The following KCNK13 variants were observed in gnomAD, a reference collection of about 807,000 sequenced individuals.
KCNK13 encodes the protein potassium channel subfamily K member 13.
In KCNK13, 12 loss-of-function variants were observed where a neutral mutation model predicts 23.4. That is an observed-to-expected ratio of 0.51 (90% CI 0.33 to 0.83). The LOEUF is 0.83. Ranked by LOEUF, KCNK13 falls within the 40% of genes least tolerant of loss-of-function variation. KCNK13 has a pLI of 0.02. For missense variants in KCNK13, 463 were observed against 556.3 expected, an observed-to-expected ratio of 0.83 and a Z score of 1.69; for synonymous variants, 231 against 229.5, an observed-to-expected ratio of 1.01 and a Z score of -0.06.
chr14:90,172,793 G>A (rs926763540), intron 1 of KCNK13, among the ~76,000 whole-genome samples: 3 of 152,168 alleles, frequency 2.0e-5, no homozygotes, highest in Admixed American at 6.5e-5. Context: ...TATTAAGCAC[G>A]ATCAACATTG....
At position 90,108,013 on chromosome 14, in the gene KCNK13, C is replaced by T. The variant is rs1317572614; in HGVS notation, c.334+45474C>T. 93 of 678,556 alleles carry T rather than the reference C, an allele frequency of 1.4e-4. 1 individual carries two copies. In the Admixed American group the frequency reaches 1.5e-3, roughly 11 times the overall value. The allele number at this position is 678,556 out of a possible 1,614,324, so 42.0% of individuals were successfully genotyped here. A position where few individuals can be genotyped will look rare whatever the true frequency, so the allele number is the denominator to read the frequency against. On this transcript the variant is annotated intron_variant, in intron 1 of 1. Coordinates refer to ENST00000282146, the MANE Select transcript of KCNK13 (RefSeq NM_022054.4). Reference sequence around the variant, plus strand: ...TGCAGTAACCACAGAGCAGGCCACACGCTGACTTTCCTCCTCAAGAGCTGG... The same window carrying T: ...TGCAGTAACCACAGAGCAGGCCACATGCTGACTTTCCTCCTCAAGAGCTGG...
intron 1 of KCNK13, among the ~76,000 whole-genome samples, chr14:90,099,599 TA>T (rs756726731): frequency 2.0e-5 from 3 of 152,164 alleles, no homozygotes; most frequent in Non-Finnish European, 4.4e-5. Flanking sequence ...TTTGGACAAC[TA>T]GGGAGAAAAG....
At chr14:90,173,334 G>A (rs28538288) in intron 1 of KCNK13, among the ~76,000 whole-genome samples, 1,721 of 152,248 alleles carry the variant, frequency 0.011, 35 homozygotes, top group African/African-American at 0.039. Flanking sequence ...TCCAGCCTGC[G>A]TGACGGAGTG....
chr14:90,117,550 A>G (rs1416112880), intron 1 of KCNK13, among the ~76,000 whole-genome samples: 2 of 152,096 alleles, frequency 1.3e-5, no homozygotes, highest in Non-Finnish European at 2.9e-5. Context: ...AGATTGCACC[A>G]TTGCACTCCA....
chr14:90,089,559 C>T lies in KCNK13; in HGVS notation c.334+27020C>T, dbSNP rs147923471. On this transcript the variant is annotated intron_variant, in intron 1 of 1. Transcript: ENST00000282146. Reference sequence around the variant, plus strand: ...TGATAGAAAAGAAAATCCCATCTTCCGAGGAGAAATTCAAGCTGGCTGCAG... The same window carrying T: ...TGATAGAAAAGAAAATCCCATCTTCTGAGGAGAAATTCAAGCTGGCTGCAG... Among the ~76,000 whole-genome samples the T allele has an allele frequency of 3.1e-3, 472 of 152,290 alleles. 5 individuals carry two copies. Among genetic ancestry groups the T allele is most frequent in the African/African-American group, 0.011 (458 of 41,564 alleles).
At chr14:90,080,303 AAAAT>A (rs1889191745) in intron 1 of KCNK13, among the ~76,000 whole-genome samples, 1 of 151,992 alleles carries the variant, frequency 6.6e-6, no homozygotes, top group Non-Finnish European at 1.5e-5. Context: ...AAAATACAAA[AAAAT>A]TAGCCGGGCC....
At chr14:90,122,672 C>G (rs1380358072) in intron 1 of KCNK13, among the ~76,000 whole-genome samples, 2 of 151,532 alleles carry the variant, frequency 1.3e-5, no homozygotes, top group East Asian at 1.9e-4. Context: ...GTTTGCGACA[C>G]GATATTCACA....
At chr14:90,112,788 G>A (rs1889631050) in intron 1 of KCNK13, among the ~76,000 whole-genome samples, 1 of 151,894 alleles carries the variant, frequency 6.6e-6, no homozygotes, top group African/African-American at 2.4e-5. Flanking sequence ...TGGTGGAAAT[G>A]TGATCATCCA....
intron 1 of KCNK13, among the ~76,000 whole-genome samples, chr14:90,144,425 C>G (rs1890049851): frequency 6.6e-6 from 1 of 151,452 alleles, no homozygotes; most frequent in South Asian, 2.1e-4. Flanking sequence ...TCTTGCTTCT[C>G]TGCTAGATTC....
At chr14:90,151,785 T>C (rs1013415780) in intron 1 of KCNK13, among the ~76,000 whole-genome samples, 5 of 152,206 alleles carry the variant, frequency 3.3e-5, no homozygotes, top group African/African-American at 1.2e-4. Flanking sequence ...CTTCAACCCA[T>C]TTTGAGTTGA....
intron 1 of KCNK13, among the ~76,000 whole-genome samples, chr14:90,165,094 C>T (rs1890288807): frequency 6.6e-6 from 1 of 152,150 alleles, no homozygotes; most frequent in African/African-American, 2.4e-5. Flanking sequence ...TGCAGGGAAA[C>T]TCCCGTTTTT....
chr14:90,111,072 C>T (rs1431554067), intron 1 of KCNK13, among the ~76,000 whole-genome samples: 1 of 152,090 alleles, frequency 6.6e-6, no homozygotes, highest in Non-Finnish European at 1.5e-5. Flanking sequence ...ATCAGGAACT[C>T]CCTGCATTAG....
At chr14:90,100,627 G>T (rs1719398585) in intron 1 of KCNK13, among the ~76,000 whole-genome samples, 1 of 152,208 alleles carries the variant, frequency 6.6e-6, no homozygotes, top group Non-Finnish European at 1.5e-5. Context: ...TGAAACAGAG[G>T]AATGACTTCG....
At chr14:90,072,946 A>G (rs1463716701) in intron 1 of KCNK13, among the ~76,000 whole-genome samples, 2 of 152,196 alleles carry the variant, frequency 1.3e-5, no homozygotes, top group African/African-American at 4.8e-5. Flanking sequence ...AGTTCTAACA[A>G]CAACCCCATA....
rs59863610 is a variant in KCNK13, at chr14:90,142,313, C to CTTTT, written c.335-41778_335-41775dup. On this transcript the variant is annotated intron_variant, in intron 1 of 1. Coordinates refer to ENST00000282146, the MANE Select transcript of KCNK13 (RefSeq NM_022054.4). ...GTTTTCTTGTTTTGGCTGTCCAATT[C>CTTTT]TTTTTTTTTTTTTTTTTTTTTTTGA... 3.7e-3 allele frequency among the ~76,000 whole-genome samples: 315 copies of CTTTT among 85,228 alleles called. 9 individuals carry two copies. The highest frequency in any genetic ancestry group is 4.6e-3 in the Admixed American group (25 of 5,472). The allele number at this position is 85,228 out of a possible 152,430, so 55.9% of individuals were successfully genotyped here.
intron 1 of KCNK13, among the ~76,000 whole-genome samples, chr14:90,077,642 T>A (rs1889156194): frequency 6.6e-6 from 1 of 152,264 alleles, no homozygotes; most frequent in African/African-American, 2.4e-5. Context: ...GGCCGTCTGC[T>A]GACAGTGCTT....
chr14:90,138,863 T>G (rs909811411), intron 1 of KCNK13, among the ~76,000 whole-genome samples: 6 of 152,188 alleles, frequency 3.9e-5, no homozygotes, highest in Non-Finnish European at 1.5e-5. Flanking sequence ...GGTAAGAGGT[T>G]GCTTCTGGGG....
At chr14:90,094,096 C>G (rs1392477985) in intron 1 of KCNK13, among the ~76,000 whole-genome samples, 3 of 152,128 alleles carry the variant, frequency 2.0e-5, no homozygotes, top group Non-Finnish European at 4.4e-5. Flanking sequence ...GAACCAGGAG[C>G]TCCTTGTCTG....
chr14:90,184,853 G>T lies in KCNK13; in HGVS notation c.1077G>T (p.Ser359=). ...MKDLLAANKA[S]LAILQKQLSE... is the part of the protein sequence containing the mutation. ...ACTTGCTGGCAGCCAACAAGGCCTC[G>T]TTGGCCATCCTGCAGAAGCAACTGT... The change falls in exon 2 of 2, where the codon TCG becomes TCT. Residue 359 remains serine (S), a synonymous_variant. Coordinates refer to ENST00000282146, the MANE Select transcript of KCNK13 (RefSeq NM_022054.4). The surrounding 1 kb of genome is among the most constrained non-coding windows in gnomAD (Gnocchi z 5.6). 1 of 1,613,844 alleles carries T rather than the reference G, an allele frequency of 6.2e-7. No homozygotes were observed. The highest frequency in any genetic ancestry group is 1.1e-5 in the South Asian group (1 of 91,082).
Sources: gnomAD v4.1 joint callset for allele counts (sites outside exome capture counted in the v4.1 genomes callset) on GRCh38, gnomAD v4.1.1 for gene constraint, Gnocchi (gnomAD v3.1) non-coding constraint, MANE v1.5 for transcripts, NCBI Gene and HGNC (gene_info 2026-07-23, HGNC 2026-07-21) for gene names.